CORIN: variants seen among roughly 807,000 people sequenced by gnomAD.
CORIN encodes atrial natriuretic peptide-converting enzyme.
CORIN carries 117 observed loss-of-function variants against 125.3 expected under a neutral mutation model. The ratio of observed to expected loss-of-function variants is 0.93; its 90% CI spans 0.80 to 1.09. The LOEUF is 1.09. Among genes scored for constraint, CORIN ranks in the 50% least tolerant of loss-of-function variants. CORIN has a pLI of 0.00. For missense variants in CORIN, 1,253 were observed against 1,306.7 expected, an observed-to-expected ratio of 0.96 and a Z score of 0.63; for synonymous variants, 450 against 466.4, an observed-to-expected ratio of 0.96 and a Z score of 0.45.
chr4:47,820,920 T>A (rs1732481872), intron 1 of CORIN, among the ~76,000 whole-genome samples: 1 of 152,192 alleles, frequency 6.6e-6, no homozygotes, highest in African/African-American at 2.4e-5. Context: ...AAGTACAGCA[T>A]AAATAATTTA....
In CORIN at chr4:47,683,839, C is replaced by A; in HGVS notation, c.914-1G>T. On this transcript the variant is annotated splice_acceptor_variant, in intron 6 of 21. Coordinates refer to ENST00000273857, the MANE Select transcript of CORIN (RefSeq NM_006587.4). LOFTEE classifies it high-confidence loss of function. ...CAGTGAAACAGATTCTCGCTGCAGT[C>A]TGCAAATAAAAGAAGCCACCAGTGT... 6.2e-7 allele frequency: 1 copy of A among 1,608,598 alleles called. No individual in the cohort carries two copies. Among genetic ancestry groups the A allele is most frequent in the South Asian group, 1.1e-5 (1 of 90,178 alleles).
intron 1 of CORIN, among the ~76,000 whole-genome samples, chr4:47,831,875 A>G (rs1733025594): frequency 6.6e-6 from 1 of 152,186 alleles, no homozygotes; most frequent in Non-Finnish European, 1.5e-5. Context: ...TGATGTTCTT[A>G]TAATAAGAGA....
chr4:47,730,447 T>C (rs930448362), intron 5 of CORIN, among the ~76,000 whole-genome samples: 1 of 126,668 alleles, frequency 7.9e-6, no homozygotes, highest in Admixed American at 1.1e-4. Context: ...CACTCCAGCC[T>C]GGGCGACAGA....
At chr4:47,785,742 T>TGTA (rs1322850413) in intron 3 of CORIN, among the ~76,000 whole-genome samples, 3 of 151,740 alleles carry the variant, frequency 2.0e-5, no homozygotes, top group Non-Finnish European at 4.4e-5. Flanking sequence ...TGAAACCCTG[T>TGTA]CTCTACTAAA....
At chr4:47,761,281 A>C (rs1729441599) in intron 4 of CORIN, among the ~76,000 whole-genome samples, 1 of 152,188 alleles carries the variant, frequency 6.6e-6, no homozygotes, top group South Asian at 2.1e-4. Context: ...TTTTCATTTA[A>C]AGTGAGAGAT....
In CORIN at chr4:47,665,261, G is replaced by A; in HGVS notation, c.1360C>T (p.Gln454Ter). Residue 454 changes from glutamine (Q) to a stop codon, truncating the protein, a stop_gained and splice_region_variant, in exon 11 of 22, where the codon CAA becomes TAA. Transcript: ENST00000273857. LOFTEE classifies it high-confidence loss of function. ...DPNNSLNNCS[Q>*]CEPITLELCM... The stretch of plus-strand genomic sequence containing the variant: ...AGTTCCAATGTAATTGGTTCACATT[G>A]ACCTAACAAAGAAACATACACACAA... 6.2e-7 allele frequency: 1 copy of A among 1,601,016 alleles called. No individual in the cohort carries two copies. Among genetic ancestry groups the A allele is most frequent in the Non-Finnish European group, 8.5e-7 (1 of 1,170,008 alleles).
intron 3 of CORIN, among the ~76,000 whole-genome samples, chr4:47,768,168 C>G (rs1041718611): frequency 1.3e-5 from 2 of 152,110 alleles, no homozygotes; most frequent in Non-Finnish European, 2.9e-5. Flanking sequence ...CTGTAATTTT[C>G]CACTATCCAC....
In CORIN at chr4:47,662,002, G is replaced by C. The variant is rs1724271769; in HGVS notation, c.1590-146C>G. 5.3e-6 allele frequency: 4 copies of C among 749,048 alleles called. No individual in the cohort carries two copies. The African/African-American group carries it at 7.1e-5, about 13-fold the overall frequency. The allele number at this position is 749,048 out of a possible 1,614,324, so 46.4% of individuals were successfully genotyped here. A position where few individuals can be genotyped will look rare whatever the true frequency, so the allele number is the denominator to read the frequency against. ...TAAAAGATGCACATATATATGATAG[G>C]TATTTGGGAAACCAAAATGAGTAAT... is the stretch of plus-strand genomic sequence containing the variant. On this transcript the variant is annotated intron_variant, in intron 11 of 21. Coordinates refer to ENST00000273857, the MANE Select transcript of CORIN (RefSeq NM_006587.4).
At chr4:47,617,678 G>A (rs996438308) in intron 19 of CORIN, among the ~76,000 whole-genome samples, 5 of 152,188 alleles carry the variant, frequency 3.3e-5, no homozygotes, top group Non-Finnish European at 5.9e-5. Context: ...CTATTGATGG[G>A]AATGGGCCAA....
chr4:47,680,270 A>C lies in CORIN; in HGVS notation c.1022-19T>G. The C allele has an allele frequency of 1.3e-6, 2 of 1,577,702 alleles. No homozygotes were observed. The highest frequency in any genetic ancestry group is 1.7e-6 in the Non-Finnish European group (2 of 1,147,822). The stretch of plus-strand genomic sequence containing the variant: ...TTGCAATCTGGAGAAATGAAAACTC[A>C]CGAGGATGCAGAGAACCAGCATGAC... On this transcript the variant is annotated intron_variant, in intron 7 of 21. Coordinates refer to ENST00000273857, the MANE Select transcript of CORIN (RefSeq NM_006587.4).
At chr4:47,648,993 C>T (rs1723614647) in intron 13 of CORIN, among the ~76,000 whole-genome samples, 1 of 152,210 alleles carries the variant, frequency 6.6e-6, no homozygotes, top group Non-Finnish European at 1.5e-5. Context: ...TCTGCCTCTG[C>T]ACCTGCTATA....
intron 2 of CORIN, among the ~76,000 whole-genome samples, chr4:47,791,082 AC>A (rs1731057888): frequency 1.3e-5 from 2 of 152,154 alleles, no homozygotes; most frequent in African/African-American, 4.8e-5. Flanking sequence ...TGCTTTACAT[AC>A]TTTACGTGGT....
intron 2 of CORIN, among the ~76,000 whole-genome samples, chr4:47,788,502 G>A (rs1252359576): frequency 6.6e-6 from 1 of 151,942 alleles, no homozygotes; most frequent in Non-Finnish European, 1.5e-5. Flanking sequence ...AAATGCAGTA[G>A]GTAAAATGAA....
Position 47,661,780 on chromosome 4 carries a change from C to G in CORIN, c.1666G>C (p.Asp556His). 6.2e-7 allele frequency: 1 copy of G among 1,613,708 alleles called. No homozygotes were observed. Among genetic ancestry groups the G allele is most frequent in the African/African-American group, 1.3e-5 (1 of 75,042 alleles). Reference protein sequence around the residue: ...IVGLQWPEDTDCSQFPEENSD... With the variant: ...IVGLQWPEDTHCSQFPEENSD... ...TTTTCCTCTGGAAATTGACTGCAAT[C>G]TGTGTCTTCAGGCCACTGTAGGCCC... Residue 556 changes from aspartate (D) to histidine (H), a missense_variant, in exon 12 of 22, where the codon GAT becomes CAT. Asp to His is a moderately conservative substitution (Grantham distance 81). Transcript: ENST00000273857.
intron 2 of CORIN, among the ~76,000 whole-genome samples, chr4:47,794,320 A>G (rs1307730142): frequency 6.6e-6 from 1 of 152,232 alleles, no homozygotes; most frequent in Admixed American, 6.5e-5. Flanking sequence ...CAGTTCATCT[A>G]GCATTTTTGA....
chr4:47,787,032 T>C lies in CORIN; in HGVS notation c.209-107A>G, dbSNP rs1454482270. On this transcript the variant is annotated intron_variant, in intron 2 of 21. Transcript: ENST00000273857. ...CTCTAGAGCTACTTTCCCTATGTCATTCTAACCAGGTAAACACAAAGACGA... is the reference window on the plus strand; with the variant it reads ...CTCTAGAGCTACTTTCCCTATGTCACTCTAACCAGGTAAACACAAAGACGA... 5.1e-6 allele frequency: 4 copies of C among 786,478 alleles called. No individual in the cohort carries two copies. The East Asian group carries it at 1.1e-4, about 21-fold the overall frequency. The allele number at this position is 786,478 out of a possible 1,614,324, so 48.7% of individuals were successfully genotyped here. A position where few individuals can be genotyped will look rare whatever the true frequency, so the allele number is the denominator to read the frequency against.
At chr4:47,602,206 G>C (rs560026858) in intron 20 of CORIN, among the ~76,000 whole-genome samples, 1 of 152,276 alleles carries the variant, frequency 6.6e-6, no homozygotes, top group Non-Finnish European at 1.5e-5. Flanking sequence ...GGGAGGTGGA[G>C]GTTGCAGTGA....
intron 5 of CORIN, among the ~76,000 whole-genome samples, chr4:47,733,908 G>A (rs918624359): frequency 1.8e-4 from 27 of 152,154 alleles, no homozygotes; most frequent in Non-Finnish European, 2.9e-5. Flanking sequence ...AAGATGAATC[G>A]AATTTACAGA....
intron 21 of CORIN, among the ~76,000 whole-genome samples, chr4:47,596,700 A>G (rs1402802521): frequency 1.3e-5 from 2 of 152,246 alleles, no homozygotes; most frequent in Non-Finnish European, 2.9e-5. Context: ...ATAAAAGAGT[A>G]AATACGTGAA....
Sources: gnomAD v4.1 joint callset for allele counts (sites outside exome capture counted in the v4.1 genomes callset) on GRCh38, gnomAD v4.1.1 for gene constraint, MANE v1.5 for transcripts, NCBI Gene and HGNC (gene_info 2026-07-23, HGNC 2026-07-21) for gene names.